SLC9A8: variants seen among roughly 807,000 people sequenced by gnomAD.
The protein encoded by SLC9A8 is solute carrier family 9 member A8.
A neutral mutation model predicts 66.6 loss-of-function variants in SLC9A8; 48 were observed. That is an observed-to-expected ratio of 0.72 (90% CI 0.57 to 0.92). SLC9A8 has a LOEUF of 0.92. SLC9A8 is among the 40% of genes least tolerant of loss of function. The pLI, the probability that SLC9A8 is intolerant of heterozygous loss-of-function variation, is 0.00. For missense variants in SLC9A8, 599 were observed against 747.3 expected (o/e 0.80, Z 2.31); for synonymous variants, 274 against 282.6 (o/e 0.97, Z 0.31).
At chr20:49,836,956 C>T (rs2087561036) in intron 3 of SLC9A8, among the ~76,000 whole-genome samples, 1 of 152,144 alleles carries the variant, frequency 6.6e-6, no homozygotes, top group Non-Finnish European at 1.5e-5. Context: ...ACCTGCCTCC[C>T]ATTCTATTTC....
chr20:49,831,582 A>T (rs1184951774), intron 3 of SLC9A8, among the ~76,000 whole-genome samples: 1 of 152,188 alleles, frequency 6.6e-6, no homozygotes, highest in Non-Finnish European at 1.5e-5. Context: ...CAGCTTCCCC[A>T]AGAGCGAAGA....
At chr20:49,822,096 G>A (rs1334307380) in intron 2 of SLC9A8, among the ~76,000 whole-genome samples, 2 of 152,200 alleles carry the variant, frequency 1.3e-5, no homozygotes, top group East Asian at 3.8e-4. Context: ...AGGATTAAAT[G>A]AGAGAGTATT....
intron 13 of SLC9A8, among the ~76,000 whole-genome samples, chr20:49,882,337 C>G (rs2089656785): frequency 6.6e-6 from 1 of 152,224 alleles, no homozygotes; most frequent in South Asian, 2.1e-4. Flanking sequence ...GCGTCCGCCC[C>G]CGTCCTAGCC....
intron 10 of SLC9A8, among the ~76,000 whole-genome samples, chr20:49,867,725 C>T (rs2089033084): frequency 6.6e-6 from 1 of 151,910 alleles, no homozygotes; most frequent in South Asian, 2.1e-4. Flanking sequence ...CAGTCCTACC[C>T]TATCTTTTGT....
Position 49,855,506 on chromosome 20 carries a change from A to T in SLC9A8, c.638A>T (p.His213Leu). Residue 213 changes from histidine (H) to leucine (L), a missense_variant, in exon 8 of 16, where the codon CAT becomes CTT. This residue lies in a region of SLC9A8 where 467 missense variants were observed against 626.5 expected (regional missense o/e 0.75). Transcript: ENST00000361573. ...ACTATTGCCATTTTCAATGCACTTC[A>T]TGTGGACCCCGTGCTCAACATGCTG... ...VATIAIFNAL[H>L]VDPVLNMLVF... 6.2e-7 allele frequency: 1 copy of T among 1,614,090 alleles called. No individual in the cohort carries two copies. The highest frequency in any genetic ancestry group is 1.1e-5 in the South Asian group (1 of 91,072).
chr20:49,860,180 C>T (rs547829488), intron 8 of SLC9A8, among the ~76,000 whole-genome samples: 3 of 152,200 alleles, frequency 2.0e-5, no homozygotes, highest in Admixed American at 6.5e-5. Flanking sequence ...CAATATGAGC[C>T]CTTGTTGGCT....
rs1328826299 is a variant in SLC9A8, at chr20:49,890,800, A to T, written c.*2864A>T. 6.6e-6 allele frequency: 1 copy of T among 152,254 alleles called. No individual in the cohort carries two copies. The highest frequency in any genetic ancestry group is 1.5e-5 in the Non-Finnish European group (1 of 68,080). The allele number at this position is 152,254 out of a possible 1,614,324, so 9.4% of individuals were successfully genotyped here. A position where few individuals can be genotyped will look rare whatever the true frequency, so the allele number is the denominator to read the frequency against. The stretch of plus-strand genomic sequence containing the variant: ...TGAAGCCCTCTCGGCCCCTACCCTA[A>T]GCCAGCCACCCCTCTTCACAGTGGG... On this transcript the variant is annotated 3_prime_UTR_variant, in exon 16 of 16. Coordinates refer to ENST00000361573, the MANE Select transcript of SLC9A8 (RefSeq NM_015266.3).
chr20:49,879,421 A>G (rs572489252), intron 12 of SLC9A8, among the ~76,000 whole-genome samples: 56 of 152,370 alleles, frequency 3.7e-4, no homozygotes, highest in Non-Finnish European at 5.1e-4. Context: ...TATAAACTGG[A>G]GACAACAATA....
chr20:49,823,218 GA>G, intron 3 of SLC9A8, 77 bp downstream of exon 3: 2 of 1,062,698 alleles, frequency 1.9e-6, no homozygotes, highest in Non-Finnish European at 2.9e-6. Context: ...TTAGTGCCAG[GA>G]ACCACAAGAG....
chr20:49,862,667 T>G (rs1435525697), intron 8 of SLC9A8, among the ~76,000 whole-genome samples: 1 of 152,122 alleles, frequency 6.6e-6, no homozygotes, highest in African/African-American at 2.4e-5. Flanking sequence ...GGATTGTCAT[T>G]AGTGTTCATC....
chr20:49,841,933 T>C (rs989844445), intron 4 of SLC9A8, among the ~76,000 whole-genome samples: 7 of 152,266 alleles, frequency 4.6e-5, no homozygotes, highest in South Asian at 2.1e-4. Context: ...AGAGACACGA[T>C]GTCACTATGC....
intron 2 of SLC9A8, among the ~76,000 whole-genome samples, chr20:49,822,276 T>C (rs1400985119): frequency 6.6e-6 from 1 of 152,142 alleles, no homozygotes; most frequent in Non-Finnish European, 1.5e-5. Context: ...CTTCCCTCTA[T>C]GTTAAGAGCC....
chr20:49,882,234 T>C (rs2089652049), intron 13 of SLC9A8, among the ~76,000 whole-genome samples: 1 of 152,192 alleles, frequency 6.6e-6, no homozygotes, highest in East Asian at 1.9e-4. Flanking sequence ...CCGTGCTCGC[T>C]CATTTTCTCC....
rs971690686 is a variant in SLC9A8 at position 49,890,095 on chromosome 20, TG to T, written c.*2161del. 3 of 151,754 alleles carry T rather than the reference TG, an allele frequency of 2.0e-5. No individual in the cohort carries two copies. The highest frequency in any genetic ancestry group is 7.3e-5 in the African/African-American group (3 of 41,264). The allele number at this position is 151,754 out of a possible 1,614,324, so 9.4% of individuals were successfully genotyped here. On this transcript the variant is annotated 3_prime_UTR_variant, in exon 16 of 16. Coordinates refer to ENST00000361573, the MANE Select transcript of SLC9A8 (RefSeq NM_015266.3). ...CAGGATTTGTTGGGGGCAAAGGGGG[TG>T]GCGGGACCGTTCCCAGGAGGTACCA...
At chr20:49,863,090 A>T in intron 9 of SLC9A8, 23 bp downstream of exon 9, 1 of 1,591,214 alleles carries the variant, frequency 6.3e-7, no homozygotes, top group African/African-American at 1.4e-5. Context: ...TGTGATGAAC[A>T]TGCAGGGTTA....
chr20:49,849,701 A>T, intron 6 of SLC9A8, 21 bp downstream of exon 6: 7 of 1,559,236 alleles, frequency 4.5e-6, no homozygotes, highest in Non-Finnish European at 6.2e-6. Context: ...CATCTTTGAA[A>T]CACTTTGAAA....
At chr20:49,879,630 G>T (rs566253200) in intron 12 of SLC9A8, among the ~76,000 whole-genome samples, 3 of 151,978 alleles carry the variant, frequency 2.0e-5, no homozygotes, top group South Asian at 4.2e-4. Context: ...TTTGAGACCA[G>T]CCTGGCCAAC....
At chr20:49,812,981 G>C in intron 1 of SLC9A8, 33 bp downstream of exon 1, 1 of 1,380,170 alleles carries the variant, frequency 7.2e-7, no homozygotes, top group South Asian at 1.6e-5. Context: ...GGCGGAGGCG[G>C]CGGGGCTGGG....
At chr20:49,884,262 A>ACACAC (rs2089773588) in intron 14 of SLC9A8, 196 bp downstream of exon 14, 5 of 320,256 alleles carry the variant, frequency 1.6e-5, no homozygotes, top group South Asian at 4.4e-5. Context: ...CACACACGAC[A>ACACAC]CACACACACA....
Sources: allele counts gnomAD v4.1 joint callset (sites outside exome capture counted in the v4.1 genomes callset), GRCh38; gene constraint gnomAD v4.1.1; regional missense constraint gnomAD v4.1.1; transcripts MANE v1.5; gene names NCBI Gene and HGNC (gene_info 2026-07-23, HGNC 2026-07-21).